The following IQCK variants were observed in gnomAD, a reference collection of about 807,000 sequenced individuals.
IQCK encodes the protein IQ domain-containing protein K.
IQCK carries 29 observed loss-of-function variants against 28.1 expected under a neutral mutation model. The observed-to-expected ratio is 1.03, with a 90% confidence interval of 0.77 to 1.41. The LOEUF (loss-of-function observed/expected upper bound fraction) is 1.41. IQCK is among the 40% of genes most tolerant of loss of function. The pLI is 0.00. For synonymous variants in IQCK, 113 were observed against 115.1 expected (o/e 0.98, Z 0.12); for missense variants, 359 against 314.7 (o/e 1.14, Z -1.07).
intron 4 of IQCK, among the ~76,000 whole-genome samples, chr16:19,758,293 A>G (rs1205863990): frequency 6.6e-6 from 1 of 152,064 alleles, no homozygotes; most frequent in Non-Finnish European, 1.5e-5. Flanking sequence ...CAATATCCCC[A>G]CTGTTCCACA....
At chr16:19,851,079 G>C (rs2056475797) in intron 9 of IQCK, among the ~76,000 whole-genome samples, 1 of 152,178 alleles carries the variant, frequency 6.6e-6, no homozygotes, top group South Asian at 2.1e-4. Flanking sequence ...CTCTGGGTCA[G>C]AACCAGTGCT....
At chr16:19,757,843 C>T (rs370892300) in intron 4 of IQCK, among the ~76,000 whole-genome samples, 3 of 152,232 alleles carry the variant, frequency 2.0e-5, no homozygotes, top group Admixed American at 6.5e-5. Context: ...TCTACAATTT[C>T]CATTTTGCTT....
intron 6 of IQCK, chr16:19,766,168 A>G (rs923241916): frequency 1.3e-5 from 2 of 152,252 alleles, no homozygotes; most frequent in Non-Finnish European, 2.9e-5. Flanking sequence ...ATATTAATCT[A>G]TTTGATGCAA....
At chr16:19,756,287 C>T (rs2055051334) in intron 4 of IQCK, among the ~76,000 whole-genome samples, 1 of 152,176 alleles carries the variant, frequency 6.6e-6, no homozygotes, top group African/African-American at 2.4e-5. Context: ...AGAGTAAAGA[C>T]AGCATGGAGC....
At chr16:19,732,840 G>A (rs1028433390) in intron 2 of IQCK, among the ~76,000 whole-genome samples, 5 of 152,144 alleles carry the variant, frequency 3.3e-5, no homozygotes, top group African/African-American at 1.2e-4. Context: ...CTGTTTCATT[G>A]GTTTACAGAA....
chr16:19,856,566 C>T (rs749383162), exon 10 of IQCK: 3 of 1,608,820 alleles, frequency 1.9e-6, no homozygotes, highest in Non-Finnish European at 2.6e-6. Flanking sequence ...TAAGACGTAT[C>T]TTTGCCCATT....
chr16:19,764,208 C>A, intron 6 of IQCK, 96 bp downstream of exon 6: 3 of 993,166 alleles, frequency 3.0e-6, no homozygotes, highest in South Asian at 1.5e-5. Context: ...TGATGTGATC[C>A]ATCCAGGACT....
chr16:19,789,452 C>A (rs1472484816), intron 7 of IQCK, among the ~76,000 whole-genome samples: 1 of 75,498 alleles, frequency 1.3e-5, no homozygotes, highest in East Asian at 3.5e-4. Context: ...AGACTTTTTA[C>A]CAAAACTTAT....
intron 7 of IQCK, among the ~76,000 whole-genome samples, chr16:19,807,757 A>C (rs1369462881): frequency 6.6e-6 from 1 of 152,156 alleles, no homozygotes; most frequent in Non-Finnish European, 1.5e-5. Context: ...CCTTTCTTGT[A>C]AAATGGGGAT....
intron 3 of IQCK, 41 bp from the exon 4 acceptor site, chr16:19,735,312 A>C (rs117740452): frequency 1.4e-6 from 2 of 1,384,286 alleles, no homozygotes; most frequent in East Asian, 2.3e-5. Context: ...GGCTCGGGCC[A>C]CTGGGGATTT....
chr16:19,827,266 GA>G (rs2056162064), downstream of IQCK: 2 of 647,302 alleles, frequency 3.1e-6, no homozygotes, highest in African/African-American at 1.8e-5. Context: ...GTGCATGGGG[GA>G]AGTGGCTGCA....
intron 7 of IQCK, among the ~76,000 whole-genome samples, chr16:19,792,765 G>A (rs888484163): frequency 2.6e-5 from 3 of 113,710 alleles, no homozygotes; most frequent in Admixed American, 1.5e-4. Context: ...AGAGACGGAG[G>A]GGGGCGTTTC....
At chr16:19,752,547 T>C (rs1306288488) in intron 4 of IQCK, among the ~76,000 whole-genome samples, 1 of 152,018 alleles carries the variant, frequency 6.6e-6, no homozygotes, top group Non-Finnish European at 1.5e-5. Flanking sequence ...AGAAAGGGAT[T>C]GTTTTCTTTC....
chr16:19,732,705 T>C (rs888229819), intron 2 of IQCK, among the ~76,000 whole-genome samples: 2 of 152,202 alleles, frequency 1.3e-5, no homozygotes, highest in Non-Finnish European at 2.9e-5. Flanking sequence ...TCAAGCCATC[T>C]GCCCTCCTTG....
chr16:19,847,713 G>A (rs754167398), intron 9 of IQCK, among the ~76,000 whole-genome samples: 4 of 152,176 alleles, frequency 2.6e-5, no homozygotes, highest in African/African-American at 4.8e-5. Flanking sequence ...TATGATTATC[G>A]TCACAAGCTG....
intron 6 of IQCK, chr16:19,766,154 A>G (rs1425937808): frequency 1.3e-5 from 2 of 152,240 alleles, no homozygotes; most frequent in Non-Finnish European, 2.9e-5. Context: ...TAAAAATTAA[A>G]GTGATATTAA....
intron 7 of IQCK, 139 bp from the exon 8 acceptor site, chr16:19,826,887 A>G (rs1181243823): frequency 1.2e-5 from 8 of 656,992 alleles, no homozygotes; most frequent in East Asian, 1.0e-4. Flanking sequence ...AGGAGTGTCA[A>G]TAATTCATTT....
intron 1 of IQCK, 114 bp downstream of exon 1, chr16:19,718,601 G>A (rs1219665423): frequency 2.2e-4 from 209 of 951,916 alleles, no homozygotes; most frequent in Non-Finnish European, 2.8e-4. Flanking sequence ...GCCGGGCAGC[G>A]GCTCCGCGGG....
chr16:19,819,941 C>A (rs1342870812), intron 7 of IQCK, among the ~76,000 whole-genome samples: 1 of 151,938 alleles, frequency 6.6e-6, no homozygotes, highest in Non-Finnish European at 1.5e-5. Flanking sequence ...ACGCATACCT[C>A]TGTGGTCAAT....
Sources: gnomAD v4.1 joint callset for allele counts (sites outside exome capture counted in the v4.1 genomes callset) on GRCh38, gnomAD v4.1.1 for gene constraint, MANE v1.5 for transcripts, NCBI Gene and HGNC (gene_info 2026-07-23, HGNC 2026-07-21) for gene names.